Variants in RSF1 observed in about 807,000 individuals in gnomAD.
RSF1 encodes the protein HBV pX-associated protein 8.
In RSF1, 13 loss-of-function variants were observed where a neutral mutation model predicts 145.2. The observed-to-expected ratio is 0.09, with a 90% confidence interval of 0.06 to 0.14. The LOEUF (loss-of-function observed/expected upper bound fraction) is 0.14. Ranked by LOEUF, RSF1 falls within the 10% of genes least tolerant of loss-of-function variation. The probability of loss-of-function intolerance (pLI) is 1.00; values close to 1 mark genes in which losing one functional copy is unlikely to be tolerated. For missense variants in RSF1, 1,517 were observed against 1,718.2 expected (o/e 0.88, Z 2.07); for synonymous variants, 577 against 592.6 (o/e 0.97, Z 0.38).
intron 1 of RSF1, among the ~76,000 whole-genome samples, chr11:77,799,982 C>T (rs953502769): frequency 6.6e-6 from 1 of 152,020 alleles, no homozygotes; most frequent in African/African-American, 2.4e-5. Flanking sequence ...TATCCCTGTA[C>T]AGAGTAAAGA....
chr11:77,704,076 TTGAG>T, intron 5 of RSF1, among the ~76,000 whole-genome samples: 1 of 152,210 alleles, frequency 6.6e-6, no homozygotes, highest in South Asian at 2.1e-4. Context: ...GGTGGATCGC[TTGAG>T]CTCAGGAGTT....
At position 77,676,784 on chromosome 11, in the gene RSF1, C is replaced by T; in HGVS notation, c.3341+8G>A. 6.2e-7 allele frequency: 1 copy of T among 1,612,670 alleles called. No homozygotes were observed. Among genetic ancestry groups the T allele is most frequent in the South Asian group, 1.1e-5 (1 of 90,964 alleles). On this transcript the variant is annotated splice_region_variant and intron_variant, in intron 13 of 15. Coordinates refer to ENST00000308488, the MANE Select transcript of RSF1 (RefSeq NM_016578.4). Reference sequence around the variant, plus strand: ...CTAGGGATCGGGGCCTAGTAGGAGACCACACACCCATCACTGATCTTGAAT... The same window carrying T: ...CTAGGGATCGGGGCCTAGTAGGAGATCACACACCCATCACTGATCTTGAAT...
At chr11:77,856,460 T>A in the RSF1 span, among the ~76,000 whole-genome samples, 1 of 152,224 alleles carries the variant, frequency 6.6e-6, no homozygotes, top group Non-Finnish European at 1.5e-5. Flanking sequence ...TTTTTTAGTA[T>A]CTTTATAGCA....
At chr11:77,860,379 A>T in the RSF1 span, among the ~76,000 whole-genome samples, 1 of 152,236 alleles carries the variant, frequency 6.6e-6, no homozygotes, top group Non-Finnish European at 1.5e-5. Flanking sequence ...TGGGATGAGG[A>T]TAAGCCAGTG....
At chr11:77,865,908 A>G in the RSF1 span, among the ~76,000 whole-genome samples, 9 of 152,306 alleles carry the variant, frequency 5.9e-5, no homozygotes, top group African/African-American at 2.2e-4. Flanking sequence ...TAGCACAAAA[A>G]CAGGCCTCTG....
intron 1 of RSF1, among the ~76,000 whole-genome samples, chr11:77,809,149 G>C (rs907803493): frequency 3.9e-5 from 6 of 152,070 alleles, no homozygotes; most frequent in Non-Finnish European, 7.4e-5. Flanking sequence ...GTGACTTCAG[G>C]CAAGTTACTT....
intron 1 of RSF1, among the ~76,000 whole-genome samples, chr11:77,807,391 T>C (rs1260564819): frequency 2.0e-5 from 3 of 152,230 alleles, no homozygotes; most frequent in Admixed American, 1.3e-4. Context: ...AGTTATACTT[T>C]GTATTATAAC....
chr11:77,779,532 G>A (rs1304083230), intron 1 of RSF1, among the ~76,000 whole-genome samples: 2 of 151,984 alleles, frequency 1.3e-5, no homozygotes, highest in East Asian at 1.9e-4. Context: ...ACAGGCATGC[G>A]CCACCACGCC....
chr11:77,775,599 G>A (rs140057835), intron 1 of RSF1, among the ~76,000 whole-genome samples: 35 of 152,206 alleles, frequency 2.3e-4, no homozygotes, highest in Middle Eastern at 6.8e-3. Context: ...TCTATAAAAC[G>A]CCAGGCTTCT....
chr11:77,766,680 T>A (rs1169694801), intron 1 of RSF1, among the ~76,000 whole-genome samples: 1 of 152,196 alleles, frequency 6.6e-6, no homozygotes, highest in Non-Finnish European at 1.5e-5. Flanking sequence ...ACTGGAGGAA[T>A]GGACATAGAT....
At chr11:77,680,665 T>C (rs1012299240) in intron 11 of RSF1, among the ~76,000 whole-genome samples, 2 of 152,360 alleles carry the variant, frequency 1.3e-5, no homozygotes, top group Non-Finnish European at 2.9e-5. Flanking sequence ...AGCTCTTCTT[T>C]TACAATGTAA....
At chr11:77,773,038 T>C (rs1296663850) in intron 1 of RSF1, among the ~76,000 whole-genome samples, 3 of 152,168 alleles carry the variant, frequency 2.0e-5, no homozygotes, top group Admixed American at 1.3e-4. Context: ...TTTCTGTCTA[T>C]GCACCTTGAG....
intron 2 of RSF1, 85 bp downstream of exon 2, chr11:77,764,513 A>C: frequency 5.1e-6 from 4 of 786,910 alleles, no homozygotes; most frequent in Non-Finnish European, 8.4e-6. Flanking sequence ...CTAATTAAAA[A>C]TTATGTGTAT....
intron 7 of RSF1, among the ~76,000 whole-genome samples, chr11:77,696,723 C>T (rs1039251703): frequency 6.6e-5 from 10 of 152,140 alleles, no homozygotes; most frequent in African/African-American, 2.2e-4. Context: ...AGACTACTAT[C>T]TCAAATGTCC....
chr11:77,760,415 G>A (rs948569495), intron 2 of RSF1, among the ~76,000 whole-genome samples: 1 of 152,200 alleles, frequency 6.6e-6, no homozygotes, highest in African/African-American at 2.4e-5. Flanking sequence ...AAAGGTGGGT[G>A]TGATTGATAC....
At chr11:77,729,008 A>G (rs1311271886) in intron 4 of RSF1, among the ~76,000 whole-genome samples, 1 of 152,176 alleles carries the variant, frequency 6.6e-6, no homozygotes, top group Non-Finnish European at 1.5e-5. Context: ...GTTAGGGTAG[A>G]TGTGGAGTGA....
intron 4 of RSF1, among the ~76,000 whole-genome samples, chr11:77,728,107 C>A (rs1961102263): frequency 6.6e-6 from 1 of 152,172 alleles, no homozygotes; most frequent in East Asian, 1.9e-4. Flanking sequence ...TCTCTGTTCT[C>A]CAAACCATTT....
the RSF1 span, among the ~76,000 whole-genome samples, chr11:77,868,496 C>G: frequency 6.6e-6 from 1 of 151,178 alleles, no homozygotes; most frequent in Non-Finnish European, 1.5e-5. Flanking sequence ...ATAGCTGGGA[C>G]TACAGGCACG....
chr11:77,857,686 C>T, the RSF1 span, among the ~76,000 whole-genome samples: 1 of 151,162 alleles, frequency 6.6e-6, no homozygotes, highest in Non-Finnish European at 1.5e-5. Flanking sequence ...CCTATCAACC[C>T]ATCAACTAAG....
Sources: allele counts gnomAD v4.1 joint callset (sites outside exome capture counted in the v4.1 genomes callset), GRCh38; gene constraint gnomAD v4.1.1; transcripts MANE v1.5; gene names NCBI Gene and HGNC (gene_info 2026-07-23, HGNC 2026-07-21).